Variants in YTHDF2 observed in about 807,000 individuals in gnomAD.
YTHDF2 encodes YTH N6-methyladenosine RNA binding protein F2, also known as YTH domain-containing family protein 2.
YTHDF2 carries 2 observed loss-of-function variants against 50.4 expected under a neutral mutation model. The ratio of observed to expected loss-of-function variants is 0.04; its 90% confidence interval spans 0.02 to 0.12. The LOEUF is 0.12. YTHDF2 is among the 10% of genes least tolerant of loss of function. The probability of loss-of-function intolerance (pLI) is 1.00; values close to 1 mark genes in which losing one functional copy is unlikely to be tolerated. For synonymous variants in YTHDF2, 217 were observed against 255.6 expected (o/e 0.85, Z 1.44); for missense variants, 483 against 722.6 (o/e 0.67, Z 3.80).
intron 4 of YTHDF2, among the ~76,000 whole-genome samples, chr1:28,748,682 T>C (rs1450455583): frequency 6.6e-6 from 1 of 152,232 alleles, no homozygotes; most frequent in Non-Finnish European, 1.5e-5. Flanking sequence ...TGACTTACTT[T>C]TATTTTTTTA....
rs537157568 is a variant in YTHDF2, at chr1:28,767,440, T to G, written c.1717-1489T>G. 1.8e-4 allele frequency among the ~76,000 whole-genome samples: 28 copies of G among 152,316 alleles called. 1 individual carries two copies. The South Asian group carries it at 5.6e-3, about 30-fold the overall frequency. On this transcript the variant is annotated intron_variant, in intron 4 of 4. Transcript: ENST00000373812. ...ACAATTTGGGACAAATAATTTATTG[T>G]CTGTATTTCTGGAGTTACATTAAGA...
At position 28,743,678 on chromosome 1, in the gene YTHDF2, G is replaced by T; in HGVS notation, c.1408G>T (p.Val470Leu). ...CAACGGCAGTGGACACTTCTGTGGC[G>T]TGGCAGAAATGAAATCTGCTGTGGA... The part of the protein sequence containing the change: ...SVNGSGHFCG[V>L]AEMKSAVDYN... The change falls in exon 4 of 5, where the codon GTG (valine) becomes TTG (leucine). Residue 470 changes from valine (V) to leucine (L), a missense_variant. Transcript: ENST00000373812. This position sits in a 1 kb window ranked among gnomAD's most constrained non-coding sequence, Gnocchi z 6.9. 6.2e-7 allele frequency: 1 copy of T among 1,614,202 alleles called. No individual in the cohort carries two copies. Among genetic ancestry groups the T allele is most frequent in the Non-Finnish European group, 8.5e-7 (1 of 1,180,044 alleles).
intron 4 of YTHDF2, among the ~76,000 whole-genome samples, chr1:28,749,318 C>T (rs560784818): frequency 1.8e-4 from 28 of 151,648 alleles, no homozygotes; most frequent in African/African-American, 6.8e-4. Flanking sequence ...CAGCCTCTCG[C>T]GTAGCTGGGA....
In YTHDF2 at chr1:28,743,893, G is replaced by A. The variant is rs761482503; in HGVS notation, c.1623G>A (p.Leu541=). The change falls in exon 4 of 5, where the codon TTG becomes TTA. Residue 541 remains leucine, a synonymous_variant. Transcript: ENST00000373812. This position sits in a 1 kb window ranked among gnomAD's most constrained non-coding sequence, Gnocchi z 6.9. ...CTCTGGAAAAGGCTAAGCAGGTGTT[G>A]AAAATTATAGCCAGCTACAAGCACA... ...EVPLEKAKQV[L]KIIASYKHTT... 2.5e-6 allele frequency: 4 copies of A among 1,610,074 alleles called. No homozygotes were observed. The highest frequency in any genetic ancestry group is 3.4e-6 in the Non-Finnish European group (4 of 1,178,686).
Position 28,757,196 on chromosome 1 carries a change from A to G in YTHDF2, c.1717-11733A>G, listed in dbSNP as rs184814433. On this transcript the variant is annotated intron_variant, in intron 4 of 4. Transcript: ENST00000373812. ...GATATCAAGGAATTACGATGTATCA[A>G]ATGAAACATTCTAGGGCAGCATATA... Among the ~76,000 whole-genome samples, 12 of 152,366 alleles carry G rather than the reference A, an allele frequency of 7.9e-5. No homozygotes were observed. In the East Asian group the frequency reaches 2.3e-3, roughly 29 times the overall value.
Position 28,737,247 on chromosome 1 carries a change from G to C in YTHDF2, c.27+100G>C, listed in dbSNP as rs1012595756. The C allele has an allele frequency of 5.6e-6, 8 of 1,436,164 alleles. No individual in the cohort carries two copies. In the Admixed American group the frequency reaches 7.8e-5, roughly 14 times the overall value. The allele number at this position is 1,436,164 out of a possible 1,614,324, so 89.0% of individuals were successfully genotyped here. Reference sequence around the variant, plus strand: ...CCTGGGCAGGCCGAGCCGAGCCGAGGCGTCGTCTCTTGCGGGCCAGGTTTC... The same window carrying C: ...CCTGGGCAGGCCGAGCCGAGCCGAGCCGTCGTCTCTTGCGGGCCAGGTTTC... On this transcript the variant is annotated intron_variant, in intron 1 of 4. Transcript: ENST00000373812.
chr1:28,768,188 ACT>A (rs2088249651), intron 4 of YTHDF2, among the ~76,000 whole-genome samples: 1 of 152,000 alleles, frequency 6.6e-6, no homozygotes, highest in Admixed American at 6.6e-5. Context: ...ACAGAGCGAG[ACT>A]CTGTCTCAAA....
chr1:28,751,405 G>C (rs12082104), intron 4 of YTHDF2, among the ~76,000 whole-genome samples: 1 of 152,162 alleles, frequency 6.6e-6, no homozygotes, highest in Non-Finnish European at 1.5e-5. Flanking sequence ...TGACTCTTCA[G>C]ATCTAGTGAG....
chr1:28,760,822 C>A (rs553245062), intron 4 of YTHDF2, among the ~76,000 whole-genome samples: 1 of 152,120 alleles, frequency 6.6e-6, no homozygotes, highest in South Asian at 2.1e-4. Flanking sequence ...TCAGGTGATC[C>A]GCCTGCCTCT....
Position 28,737,030 on chromosome 1 carries a change from T to A in YTHDF2, c.-91T>A. On this transcript the variant is annotated 5_prime_UTR_variant, in exon 1 of 5. Transcript: ENST00000373812. Reference sequence around the variant, plus strand: ...CCCCCGAGTGTCAGGGACAAAAGCCTCCGCCTGCTCCCGCAGACGGGGCTC... The same window carrying A: ...CCCCCGAGTGTCAGGGACAAAAGCCACCGCCTGCTCCCGCAGACGGGGCTC... The A allele has an allele frequency of 6.6e-7, 1 of 1,506,850 alleles. No homozygotes were observed. Among genetic ancestry groups the A allele is most frequent in the Admixed American group, 2.0e-5 (1 of 50,040 alleles). 93.3% of individuals were successfully genotyped at this position (1,506,850 alleles called of 1,614,324 possible). A position where few individuals can be genotyped will look rare whatever the true frequency, so the allele number is the denominator to read the frequency against.
Position 28,743,257 on chromosome 1 carries a change from G to C in YTHDF2, c.987G>C (p.Leu329Phe). 6.2e-7 allele frequency: 1 copy of C among 1,614,132 alleles called. No individual in the cohort carries two copies. The highest frequency in any genetic ancestry group is 1.1e-5 in the South Asian group (1 of 91,072). The change falls in exon 4 of 5, where the codon TTG becomes TTC. Residue 329 changes from leucine to phenylalanine, a missense_variant. Coordinates refer to ENST00000373812, the MANE Select transcript of YTHDF2 (RefSeq NM_016258.3). This position sits in a 1 kb window ranked among gnomAD's most constrained non-coding sequence, Gnocchi z 6.9. ...CAGTAGGGCAACAGACACAGCCATT[G>C]CCTCCACCTCCACCACAGCCTGCCC... ...QASVGQQTQP[L>F]PPPPPQPAQL... is the part of the protein sequence containing the mutation.
At chr1:28,761,928 G>T (rs1167851923) in intron 4 of YTHDF2, among the ~76,000 whole-genome samples, 1 of 152,114 alleles carries the variant, frequency 6.6e-6, no homozygotes, top group African/African-American at 2.4e-5. Context: ...GGGGAAGTTA[G>T]CATCTTAATT....
intron 4 of YTHDF2, among the ~76,000 whole-genome samples, chr1:28,766,681 C>T (rs2088223466): frequency 6.6e-6 from 1 of 151,892 alleles, no homozygotes; most frequent in Admixed American, 6.6e-5. Context: ...ATTGATAATT[C>T]TTGCTTGATT....
In YTHDF2 at chr1:28,736,975, C is replaced by G; in HGVS notation, c.-146C>G. 3.0e-6 allele frequency: 3 copies of G among 1,002,182 alleles called. No individual in the cohort carries two copies. The highest frequency in any genetic ancestry group is 4.4e-6 in the Non-Finnish European group (3 of 687,844). The allele number at this position is 1,002,182 out of a possible 1,614,324, so 62.1% of individuals were successfully genotyped here. On this transcript the variant is annotated 5_prime_UTR_variant, in exon 1 of 5. Coordinates refer to ENST00000373812, the MANE Select transcript of YTHDF2 (RefSeq NM_016258.3). ...CGAGTCGGAGCCGGAGCCTGAGCCG[C>G]GCGCTGTGTCTCCGCTGCGTCCGCC...
chr1:28,737,784 C>T (rs776449853), intron 2 of YTHDF2, 102 bp downstream of exon 2: 9 of 1,413,184 alleles, frequency 6.4e-6, no homozygotes, highest in Non-Finnish European at 8.8e-6. Flanking sequence ...TTTCGGAAGC[C>T]GCTTAGTTCG....
intron 4 of YTHDF2, among the ~76,000 whole-genome samples, chr1:28,749,102 C>G (rs1229215297): frequency 1.3e-5 from 2 of 150,936 alleles, no homozygotes. Flanking sequence ...TTCCTTTTTC[C>G]TGAAAAGTTT....
At position 28,755,015 on chromosome 1, in the gene YTHDF2, G is replaced by T. The variant is rs376972903; in HGVS notation, c.1716+11029G>T. Among the ~76,000 whole-genome samples the T allele has an allele frequency of 1.6e-3, 239 of 150,200 alleles. 5 individuals are homozygous for T. The South Asian group carries it at 0.049, about 31-fold the overall frequency. On this transcript the variant is annotated intron_variant, in intron 4 of 4. Coordinates refer to ENST00000373812, the MANE Select transcript of YTHDF2 (RefSeq NM_016258.3). The stretch of plus-strand genomic sequence containing the variant: ...GGGAGATGGCTCAGAGACTAAACGA[G>T]ATGCTTTTACAGTATTCTGGGGAAA...
In YTHDF2 at chr1:28,742,412, T is replaced by A; in HGVS notation, c.142T>A (p.Tyr48Asn). 6.4e-7 allele frequency: 1 copy of A among 1,560,752 alleles called. No homozygotes were observed. The highest frequency in any genetic ancestry group is 1.4e-5 in the African/African-American group (1 of 72,604). ...LSPQARPNNA[Y>N]TAMSDSYLPS... is the part of the protein sequence containing the mutation. Reference sequence around the variant, plus strand: ...TTTTTTTCTTCCACAGAATAATGCATATACTGCCATGTCAGATTCCTACTT... The same window carrying A: ...TTTTTTTCTTCCACAGAATAATGCAAATACTGCCATGTCAGATTCCTACTT... The change falls in exon 4 of 5, where the codon TAT becomes AAT. Residue 48 changes from tyrosine to asparagine, a missense_variant. Tyr to Asn is a moderately radical substitution (Grantham distance 143, BLOSUM62 -2). Transcript: ENST00000373812.
At chr1:28,763,866 CTTTTG>C (rs1357593252) in intron 4 of YTHDF2, among the ~76,000 whole-genome samples, 1 of 100,428 alleles carries the variant, frequency 1.0e-5, no homozygotes, top group African/African-American at 4.4e-5. Flanking sequence ...AAAGAACCAA[CTTTTG>C]TTTTTTTTTT....
Sources: allele counts gnomAD v4.1 joint callset (sites outside exome capture counted in the v4.1 genomes callset), GRCh38; gene constraint gnomAD v4.1.1; non-coding constraint Gnocchi (gnomAD v3.1); transcripts MANE v1.5; gene names NCBI Gene and HGNC (gene_info 2026-07-23, HGNC 2026-07-21).